Variants in SYN3 observed in about 807,000 individuals in gnomAD.
SYN3 encodes synapsin III.
SYN3 carries 35 observed loss-of-function variants against 65.8 expected under a neutral mutation model. The ratio of observed to expected loss-of-function variants is 0.53; its 90% confidence interval spans 0.41 to 0.70. SYN3 has a LOEUF of 0.70. Ranked by LOEUF, SYN3 falls within the 30% of genes least tolerant of loss-of-function variation. The pLI, the probability that SYN3 is intolerant of heterozygous loss-of-function variation, is 0.00. For synonymous variants in SYN3, 270 were observed against 292.9 expected (o/e 0.92, Z 0.80); for missense variants, 680 against 749.0 (o/e 0.91, Z 1.08).
chr22:32,590,539 A>G (rs1229767131), intron 7 of SYN3, among the ~76,000 whole-genome samples: 1 of 152,258 alleles, frequency 6.6e-6, no homozygotes, highest in African/African-American at 2.4e-5. Context: ...GGTCAGGTAT[A>G]CCTAAAATAA....
intron 6 of SYN3, among the ~76,000 whole-genome samples, chr22:32,844,047 G>A (rs62232922): frequency 0.067 from 10,188 of 152,132 alleles, 365 homozygotes; most frequent in Middle Eastern, 0.1. Flanking sequence ...GTGGAACCTG[G>A]ACTCCTAAGT....
At chr22:32,951,702 C>T (rs1287287683) in intron 3 of SYN3, among the ~76,000 whole-genome samples, 1 of 152,240 alleles carries the variant, frequency 6.6e-6, no homozygotes, top group Non-Finnish European at 1.5e-5. Context: ...CAACATGCTT[C>T]ACAAGTGTGA....
intron 6 of SYN3, among the ~76,000 whole-genome samples, chr22:32,601,638 G>T (rs2059285686): frequency 6.6e-6 from 1 of 152,026 alleles, no homozygotes; most frequent in Non-Finnish European, 1.5e-5. Flanking sequence ...CCACGTATGG[G>T]CTGGCAAGAC....
intron 6 of SYN3, among the ~76,000 whole-genome samples, chr22:32,685,045 A>T (rs1250423995): frequency 6.6e-6 from 1 of 152,156 alleles, no homozygotes; most frequent in Non-Finnish European, 1.5e-5. Flanking sequence ...CCCATTGTTT[A>T]TATATGGCTA....
intron 6 of SYN3, among the ~76,000 whole-genome samples, chr22:32,700,501 A>G (rs1385865653): frequency 1.3e-5 from 2 of 152,220 alleles, no homozygotes; most frequent in Non-Finnish European, 2.9e-5. Context: ...AATGAAATTT[A>G]AGGCAACATT....
rs1256703339 is a variant in SYN3 at position 32,511,016 on chromosome 22, T to TGTGTGTG, written c.*2675_*2676insCACACAC. ...GTGTGTGTGTGTGTGTGTGTGTGTG[T>TGTGTGTG]AAGGGGACTCCTAGAATCACTGGCT... On this transcript the variant is annotated 3_prime_UTR_variant, in exon 14 of 14. Transcript: ENST00000358763. Among the ~76,000 whole-genome samples, 15 of 108,704 alleles carry TGTGTGTG rather than the reference T, an allele frequency of 1.4e-4. No homozygotes were observed. The highest frequency in any genetic ancestry group is 3.9e-4 in the African/African-American group (13 of 33,592). The allele number at this position is 108,704 out of a possible 152,430, so 71.3% of individuals were successfully genotyped here.
At chr22:32,880,060 C>T (rs1470321619) in intron 4 of SYN3, among the ~76,000 whole-genome samples, 1 of 152,176 alleles carries the variant, frequency 6.6e-6, no homozygotes, top group African/African-American at 2.4e-5. Flanking sequence ...GAACTTGAAG[C>T]CAAGGTTTTT....
At chr22:32,994,473 C>T (rs1165998149) in intron 2 of SYN3, among the ~76,000 whole-genome samples, 1 of 152,198 alleles carries the variant, frequency 6.6e-6, no homozygotes, top group Non-Finnish European at 1.5e-5. Context: ...ACCCCCAGCC[C>T]CTCCAGCCAT....
At chr22:32,649,937 G>A (rs2060037885) in intron 6 of SYN3, among the ~76,000 whole-genome samples, 2 of 152,136 alleles carry the variant, frequency 1.3e-5, no homozygotes, top group Admixed American at 6.5e-5. Context: ...AATCAGTGGG[G>A]AAAAAGCCAG....
At chr22:32,776,673 T>C (rs534091899) in intron 6 of SYN3, among the ~76,000 whole-genome samples, 2 of 152,322 alleles carry the variant, frequency 1.3e-5, no homozygotes, top group South Asian at 2.1e-4. Context: ...AGCAATGGCT[T>C]ACCATGCTCC....
intron 4 of SYN3, among the ~76,000 whole-genome samples, chr22:32,870,019 T>C (rs1039465888): frequency 1.3e-5 from 2 of 152,318 alleles, no homozygotes; most frequent in African/African-American, 4.8e-5. Flanking sequence ...GTTTGATTCA[T>C]ACCACCAAAG....
intron 7 of SYN3, among the ~76,000 whole-genome samples, chr22:32,592,148 C>T (rs1027090463): frequency 6.6e-6 from 1 of 152,176 alleles, no homozygotes; most frequent in Non-Finnish European, 1.5e-5. Flanking sequence ...CAAGTGGGAT[C>T]GACTGTATTG....
intron 4 of SYN3, among the ~76,000 whole-genome samples, chr22:32,907,877 T>C (rs113809430): frequency 5.3e-5 from 8 of 152,300 alleles, no homozygotes; most frequent in South Asian, 4.1e-4. Flanking sequence ...CTGACAATTA[T>C]GGAGTGCCAG....
chr22:32,983,040 A>G (rs1001713125), intron 2 of SYN3, among the ~76,000 whole-genome samples: 1 of 152,206 alleles, frequency 6.6e-6, no homozygotes, highest in Non-Finnish European at 1.5e-5. Context: ...ATATCGTCTC[A>G]CAAAAAGTAA....
intron 6 of SYN3, among the ~76,000 whole-genome samples, chr22:32,617,945 T>C (rs2059543063): frequency 6.6e-6 from 1 of 152,062 alleles, no homozygotes; most frequent in African/African-American, 2.4e-5. Context: ...AGGCACTCTA[T>C]TGTGATTACT....
In SYN3 at chr22:32,544,941, C is replaced by T. The variant is rs183774146; in HGVS notation, c.775-3228G>A. ...ATTTTCCTGCTTTACAGTCATGATG[C>T]ACCCTGATATGGGGGGCATGTGTCC... On this transcript the variant is annotated intron_variant, in intron 7 of 13. Coordinates refer to ENST00000358763, the MANE Select transcript of SYN3 (RefSeq NM_003490.4). Among the ~76,000 whole-genome samples the T allele has an allele frequency of 3.7e-4, 56 of 152,314 alleles. 1 individual carries two copies. The Middle Eastern group carries it at 0.01, about 28-fold the overall frequency.
intron 6 of SYN3, among the ~76,000 whole-genome samples, chr22:32,630,258 A>C (rs1201311558): frequency 1.3e-5 from 2 of 152,126 alleles, no homozygotes; most frequent in East Asian, 3.9e-4. Context: ...CTGGGATTAC[A>C]GGCCTAAGCC....
At chr22:32,580,193 A>C (rs1322437168) in intron 7 of SYN3, among the ~76,000 whole-genome samples, 1 of 152,264 alleles carries the variant, frequency 6.6e-6, no homozygotes, top group Non-Finnish European at 1.5e-5. Flanking sequence ...ATGCGTCAAC[A>C]AACTATGGCC....
chr22:32,598,364 C>T (rs2059233247), intron 6 of SYN3, among the ~76,000 whole-genome samples: 1 of 152,186 alleles, frequency 6.6e-6, no homozygotes, highest in African/African-American at 2.4e-5. Context: ...ATAAGAAAAT[C>T]GAGACTCAAG....
Sources: gnomAD v4.1 joint callset for allele counts (sites outside exome capture counted in the v4.1 genomes callset) on GRCh38, gnomAD v4.1.1 for gene constraint, MANE v1.5 for transcripts, NCBI Gene and HGNC (gene_info 2026-07-23, HGNC 2026-07-21) for gene names.